The following RGMA variants were observed in gnomAD, a reference collection of about 807,000 sequenced individuals.
RGMA encodes the protein repulsive guidance molecule BMP co-receptor a, also known as repulsive guidance molecule A.
In RGMA, 10 loss-of-function variants were observed where a neutral mutation model predicts 23.2. The observed-to-expected ratio is 0.43, with a 90% CI of 0.27 to 0.73. The LOEUF (loss-of-function observed/expected upper bound fraction) is 0.73. Ranked by LOEUF, RGMA falls within the 30% of genes least tolerant of loss-of-function variation. The pLI, the probability that RGMA is intolerant of heterozygous loss-of-function variation, is 0.20. For synonymous variants in RGMA, 308 were observed against 279.3 expected, an observed-to-expected ratio of 1.10 and a Z score of -1.03; for missense variants, 547 against 630.5, an observed-to-expected ratio of 0.87 and a Z score of 1.42.
At chr15:93,081,104 G>A (rs1895552428) in intron 1 of RGMA, among the ~76,000 whole-genome samples, 1 of 152,138 alleles carries the variant, frequency 6.6e-6, no homozygotes, top group Admixed American at 6.6e-5. Context: ...CTGGGATTTG[G>A]GGTGGTCCTA....
intron 2 of RGMA, among the ~76,000 whole-genome samples, chr15:93,055,546 C>T (rs965040593): frequency 1.3e-5 from 2 of 152,194 alleles, no homozygotes; most frequent in African/African-American, 4.8e-5. Context: ...ATGAATCCAG[C>T]CCGCTGGACT....
chr15:93,071,702 G>C (rs1285113656), intron 2 of RGMA, among the ~76,000 whole-genome samples: 2 of 152,260 alleles, frequency 1.3e-5, no homozygotes, highest in Non-Finnish European at 2.9e-5. Context: ...GGCCGAGCCA[G>C]ACCTGCCCAG....
At chr15:93,046,052 G>C (rs1304268042) in intron 3 of RGMA, among the ~76,000 whole-genome samples, 1 of 152,224 alleles carries the variant, frequency 6.6e-6, no homozygotes, top group Non-Finnish European at 1.5e-5. Context: ...GTGGTAGGCT[G>C]AATAATGGCT....
At chr15:93,075,160 A>G (rs1363278206) in intron 1 of RGMA, among the ~76,000 whole-genome samples, 1 of 151,742 alleles carries the variant, frequency 6.6e-6, no homozygotes, top group Non-Finnish European at 1.5e-5. Context: ...ATTTAAAAGC[A>G]GGAAAAAAAA....
chr15:93,080,238 G>A (rs529692814), intron 1 of RGMA, among the ~76,000 whole-genome samples: 26 of 152,026 alleles, frequency 1.7e-4, no homozygotes, highest in African/African-American at 5.3e-4. Context: ...TTGCTCTGTC[G>A]CCCAGGCTGG....
chr15:93,065,799 T>C, intron 2 of RGMA: 1 of 955,516 alleles, frequency 1.0e-6, no homozygotes. Flanking sequence ...TGGGGTGGTC[T>C]GGGCCAGAAT....
At chr15:93,057,617 A>G (rs1218282556) in intron 2 of RGMA, among the ~76,000 whole-genome samples, 3 of 152,150 alleles carry the variant, frequency 2.0e-5, no homozygotes, top group Non-Finnish European at 2.9e-5. Context: ...GCCAAGCTAA[A>G]GAGACAGTCA....
intron 2 of RGMA, among the ~76,000 whole-genome samples, chr15:93,057,738 C>A (rs764791212): frequency 2.0e-5 from 3 of 152,168 alleles, no homozygotes; most frequent in Admixed American, 6.5e-5. Flanking sequence ...GACCAAAGGA[C>A]CAGATTGACT....
chr15:93,066,970 T>C (rs533193749), intron 2 of RGMA, among the ~76,000 whole-genome samples: 2 of 152,256 alleles, frequency 1.3e-5, no homozygotes, highest in Non-Finnish European at 2.9e-5. Flanking sequence ...GAAATGGGAA[T>C]GATGATCCTC....
At chr15:93,051,338 T>C (rs2054915539) in intron 3 of RGMA, among the ~76,000 whole-genome samples, 1 of 152,204 alleles carries the variant, frequency 6.6e-6, no homozygotes, top group African/African-American at 2.4e-5. Flanking sequence ...TTCGCCAAGC[T>C]GGAAACCCCA....
rs542201083 is a variant in RGMA at position 93,059,077 on chromosome 15, C to T, written c.131-6570G>A. The stretch of plus-strand genomic sequence containing the variant: ...TTTGCAGATGCAAACACGGAGGCTT[C>T]GGGCTCGAGCGGGCCTGGGTCACAC... On this transcript the variant is annotated intron_variant, in intron 2 of 3. Coordinates refer to ENST00000329082, the MANE Select transcript of RGMA (RefSeq NM_020211.3). Among the ~76,000 whole-genome samples the T allele has an allele frequency of 2.6e-4, 39 of 152,266 alleles. 1 individual carries two copies. The highest frequency in any genetic ancestry group is 2.1e-4 in the South Asian group (1 of 4,812).
Position 93,044,864 on chromosome 15 carries a change from G to A in RGMA, c.*134C>T. On this transcript the variant is annotated 3_prime_UTR_variant, in exon 4 of 4. Transcript: ENST00000329082. ...GGGAGGGGTCCGTGCCTGAGCCCTT[G>A]GCAGCAGGCGGTCCCTGGCGTTCTG... 1 of 718,718 alleles carries A rather than the reference G, an allele frequency of 1.4e-6. No homozygotes were observed. Among genetic ancestry groups the A allele is most frequent in the South Asian group, 1.9e-5 (1 of 53,058 alleles). The allele number at this position is 718,718 out of a possible 1,614,324, so 44.5% of individuals were successfully genotyped here. A position where few individuals can be genotyped will look rare whatever the true frequency, so the allele number is the denominator to read the frequency against.
chr15:93,051,206 C>T (rs977247971), intron 3 of RGMA, among the ~76,000 whole-genome samples: 3 of 152,188 alleles, frequency 2.0e-5, no homozygotes, highest in Admixed American at 6.5e-5. Flanking sequence ...CAGGTCACCT[C>T]GCTGTCCTCC....
intron 2 of RGMA, among the ~76,000 whole-genome samples, chr15:93,063,626 A>G (rs1007510200): frequency 2.6e-5 from 4 of 152,172 alleles, no homozygotes; most frequent in South Asian, 2.1e-4. Context: ...GGTGCAGCAG[A>G]CCCTACCTTT....
At position 93,044,631 on chromosome 15, in the gene RGMA, G is replaced by A. The variant is rs981122528; in HGVS notation, c.*367C>T. 5 of 306,866 alleles carry A rather than the reference G, an allele frequency of 1.6e-5. No homozygotes were observed. The highest frequency in any genetic ancestry group is 3.1e-5 in the Non-Finnish European group (5 of 163,148). The allele number at this position is 306,866 out of a possible 1,614,324, so 19.0% of individuals were successfully genotyped here. ...CGGATCGGCGAGCAGCAGTCGGCCG[G>A]GCCTTTCAGTGCATTGCGAGGGGGA... On this transcript the variant is annotated 3_prime_UTR_variant, in exon 4 of 4. Coordinates refer to ENST00000329082, the MANE Select transcript of RGMA (RefSeq NM_020211.3).
At chr15:93,084,037 C>A (rs1895599104) in intron 1 of RGMA, among the ~76,000 whole-genome samples, 1 of 152,160 alleles carries the variant, frequency 6.6e-6, no homozygotes, top group Admixed American at 6.5e-5. Context: ...AACTTCCAAA[C>A]AAATGTTAAT....
intron 2 of RGMA, among the ~76,000 whole-genome samples, chr15:93,053,631 C>T (rs8025032): frequency 0.057 from 8,686 of 152,276 alleles, 300 homozygotes; most frequent in Non-Finnish European, 0.065. Flanking sequence ...CAGGCTAACG[C>T]GAGCACGAGT....
At chr15:93,066,674 C>A in intron 2 of RGMA, 2 of 399,582 alleles carry the variant, frequency 5.0e-6, no homozygotes, top group Non-Finnish European at 9.7e-6. Flanking sequence ...CAGTACCGGC[C>A]CCCGCCGCCG....
intron 1 of RGMA, among the ~76,000 whole-genome samples, chr15:93,079,988 A>G (rs1322686172): frequency 6.6e-6 from 1 of 152,130 alleles, no homozygotes; most frequent in Non-Finnish European, 1.5e-5. Context: ...TGTGTAAAGA[A>G]TATCACCTGA....
Sources: gnomAD v4.1 joint callset for allele counts (sites outside exome capture counted in the v4.1 genomes callset) on GRCh38, gnomAD v4.1.1 for gene constraint, MANE v1.5 for transcripts, NCBI Gene and HGNC (gene_info 2026-07-23, HGNC 2026-07-21) for gene names.